CDH4: variants seen among roughly 807,000 people sequenced by gnomAD.
CDH4 encodes cadherin-4.
Under a neutral mutation model 86.0 loss-of-function variants are expected in CDH4, and 33 were observed. That is an observed-to-expected ratio of 0.38 (90% confidence interval 0.29 to 0.51). The LOEUF is 0.51. Among genes scored for constraint, CDH4 ranks in the 20% least tolerant of loss-of-function variants. The pLI is 0.86. For synonymous variants in CDH4, 555 were observed against 549.4 expected (o/e 1.01, Z -0.14); for missense variants, 1,114 against 1,307.4 (o/e 0.85, Z 2.28).
intron 2 of CDH4, among the ~76,000 whole-genome samples, chr20:61,668,841 A>G (rs948491073): frequency 6.6e-6 from 1 of 152,174 alleles, no homozygotes; most frequent in Non-Finnish European, 1.5e-5. Context: ...GGGAGAAAGG[A>G]AAGGATGCAA....
In CDH4 at chr20:61,501,806, G is replaced by C. The variant is rs2085703319; in HGVS notation, c.170-241757G>C. 6.6e-6 allele frequency among the ~76,000 whole-genome samples: 1 copy of C among 152,118 alleles called. No individual in the cohort carries two copies. Among genetic ancestry groups the C allele is most frequent in the Admixed American group, 6.5e-5 (1 of 15,274 alleles). On this transcript the variant is annotated intron_variant, in intron 2 of 15. Transcript: ENST00000614565. This position sits in a 1 kb window ranked among gnomAD's most constrained non-coding sequence, Gnocchi z 4.2. ...CAGACGCGACTAATGAAACTTTTCT[G>C]TTCTCTCCTTTCTAGGTAAGTGATT...
chr20:61,901,185 C>T (rs1425160995), intron 8 of CDH4, among the ~76,000 whole-genome samples: 4 of 99,198 alleles, frequency 4.0e-5, no homozygotes, highest in Non-Finnish European at 7.9e-5. Context: ...TTCACTCAAG[C>T]GGGTATTGCA....
chr20:61,811,348 C>T lies in CDH4; in HGVS notation c.577-33320C>T, dbSNP rs1423390618. 6.6e-6 allele frequency among the ~76,000 whole-genome samples: 1 copy of T among 152,222 alleles called. No individual in the cohort carries two copies. The highest frequency in any genetic ancestry group is 2.4e-5 in the African/African-American group (1 of 41,452). On this transcript the variant is annotated intron_variant, in intron 4 of 15. Coordinates refer to ENST00000614565, the MANE Select transcript of CDH4 (RefSeq NM_001794.5). This position sits in a 1 kb window ranked among gnomAD's most constrained non-coding sequence, Gnocchi z 4.4. ...CGGGGGTGGGAATGAAATGCCCCTTCCCGGCTTACACAGACACAGCCCAGG... is the reference window on the plus strand; with the variant it reads ...CGGGGGTGGGAATGAAATGCCCCTTTCCGGCTTACACAGACACAGCCCAGG...
intron 2 of CDH4, among the ~76,000 whole-genome samples, chr20:61,728,469 G>T (rs1451345654): frequency 6.6e-6 from 1 of 152,156 alleles, no homozygotes; most frequent in Non-Finnish European, 1.5e-5. Flanking sequence ...GGAAAGGGGA[G>T]TGCCAAGCAA....
intron 4 of CDH4, among the ~76,000 whole-genome samples, chr20:61,830,276 A>G (rs1026887972): frequency 5.9e-5 from 9 of 152,082 alleles, no homozygotes; most frequent in African/African-American, 2.2e-4. Flanking sequence ...AGCACGGCAC[A>G]TCCTGGGGCT....
chr20:61,885,358 G>A (rs1390492562), intron 7 of CDH4, among the ~76,000 whole-genome samples: 5 of 152,098 alleles, frequency 3.3e-5, no homozygotes, highest in Admixed American at 6.5e-5. Context: ...CTGCTTCTAC[G>A]GATTTGCCTA....
At position 61,934,159 on chromosome 20, in the gene CDH4, C is replaced by A; in HGVS notation, c.2483C>A (p.Pro828His). The A allele has an allele frequency of 1.2e-6, 2 of 1,608,164 alleles. No homozygotes were observed. Among genetic ancestry groups the A allele is most frequent in the Non-Finnish European group, 1.7e-6 (2 of 1,176,918 alleles). ...GATGAGCGGCCGGTGGGCGCTGAGC[C>A]CCAGTACCCGATCAGGCCCATGGTG... Reference protein sequence around the residue: ...RVDERPVGAEPQYPIRPMVPH... With the variant: ...RVDERPVGAEHQYPIRPMVPH... The change falls in exon 15 of 16, where the codon CCC becomes CAC. Residue 828 changes from proline to histidine, a missense_variant. Around this residue, in one of 3 missense-constraint regions of CDH4, gnomAD observed 188 missense variants for 183.8 expected, o/e 1.02. Coordinates refer to ENST00000614565, the MANE Select transcript of CDH4 (RefSeq NM_001794.5).
At position 61,544,725 on chromosome 20, in the gene CDH4, G is replaced by C. The variant is rs1202183819; in HGVS notation, c.170-198838G>C. Among the ~76,000 whole-genome samples the C allele has an allele frequency of 6.6e-6, 1 of 152,074 alleles. No individual in the cohort carries two copies. The highest frequency in any genetic ancestry group is 2.1e-4 in the South Asian group (1 of 4,828). On this transcript the variant is annotated intron_variant, in intron 2 of 15. Coordinates refer to ENST00000614565, the MANE Select transcript of CDH4 (RefSeq NM_001794.5). This position sits in a 1 kb window ranked among gnomAD's most constrained non-coding sequence, Gnocchi z 6.5. ...GTTGCAGTTTGGGATAATTTTGGTG[G>C]AGAAAGTTGTAAAACCACCTGAATG...
At chr20:61,690,686 G>A (rs546828742) in intron 2 of CDH4, among the ~76,000 whole-genome samples, 9 of 152,214 alleles carry the variant, frequency 5.9e-5, no homozygotes, top group Admixed American at 1.3e-4. Context: ...AGAGGAGGGC[G>A]GGGACAACTC....
At chr20:61,731,554 C>T (rs1434350283) in intron 2 of CDH4, among the ~76,000 whole-genome samples, 1 of 152,206 alleles carries the variant, frequency 6.6e-6, no homozygotes, top group Admixed American at 6.5e-5. Flanking sequence ...GCAGCCTCAG[C>T]TCCTCCACAT....
chr20:61,467,132 C>T (rs988366268), intron 2 of CDH4, among the ~76,000 whole-genome samples: 3 of 152,196 alleles, frequency 2.0e-5, no homozygotes, highest in African/African-American at 7.2e-5. Flanking sequence ...TTGAAATCAT[C>T]TCTATTTCAC....
At chr20:61,464,846 C>T (rs2085464084) in intron 2 of CDH4, among the ~76,000 whole-genome samples, 1 of 152,180 alleles carries the variant, frequency 6.6e-6, no homozygotes, top group Non-Finnish European at 1.5e-5. Context: ...GGAGCTGTTA[C>T]CAAACTAATT....
chr20:61,458,376 G>C (rs539092790), intron 2 of CDH4, among the ~76,000 whole-genome samples: 1 of 141,268 alleles, frequency 7.1e-6, no homozygotes, highest in East Asian at 1.9e-4. Context: ...TCATGGTGGT[G>C]ATGGTATGGT....
chr20:61,314,511 T>C (rs2084465877), intron 2 of CDH4, among the ~76,000 whole-genome samples: 1 of 152,162 alleles, frequency 6.6e-6, no homozygotes. Flanking sequence ...CATTTGTCTG[T>C]TCGCCCACCA....
intron 2 of CDH4, among the ~76,000 whole-genome samples, chr20:61,626,450 CAGAAGG>C (rs2086830804): frequency 6.8e-6 from 1 of 146,360 alleles, no homozygotes; most frequent in Non-Finnish European, 1.5e-5. Flanking sequence ...CTTGCAGAAG[CAGAAGG>C]AGAAGCACCC....
chr20:61,913,979 G>A (rs182816296), intron 9 of CDH4, among the ~76,000 whole-genome samples: 3 of 152,002 alleles, frequency 2.0e-5, no homozygotes, highest in African/African-American at 4.8e-5. Flanking sequence ...CTCTGTCTAC[G>A]TGGTGAGAAT....
At chr20:61,564,893 A>C (rs2086252796) in intron 2 of CDH4, among the ~76,000 whole-genome samples, 1 of 152,178 alleles carries the variant, frequency 6.6e-6, no homozygotes, top group Non-Finnish European at 1.5e-5. Flanking sequence ...TTGTAAATCC[A>C]CAGCATTCAC....
intron 4 of CDH4, among the ~76,000 whole-genome samples, chr20:61,781,870 G>T (rs1190146447): frequency 6.6e-6 from 1 of 152,210 alleles, no homozygotes; most frequent in African/African-American, 2.4e-5. Flanking sequence ...TAGAGGAAAA[G>T]GTGCAATATG....
intron 2 of CDH4, among the ~76,000 whole-genome samples, chr20:61,339,307 G>A (rs1293500534): frequency 6.6e-6 from 1 of 152,188 alleles, no homozygotes; most frequent in Non-Finnish European, 1.5e-5. Context: ...TGAGCAAACA[G>A]GTCTTCCACT....
Sources: gnomAD v4.1 joint callset for allele counts (sites outside exome capture counted in the v4.1 genomes callset) on GRCh38, gnomAD v4.1.1 for gene constraint, gnomAD v4.1.1 regional missense constraint, Gnocchi (gnomAD v3.1) non-coding constraint, MANE v1.5 for transcripts, NCBI Gene and HGNC (gene_info 2026-07-23, HGNC 2026-07-21) for gene names.